Variants in USP49 observed in about 807,000 individuals in gnomAD.
The protein encoded by USP49 is ubiquitin carboxyl-terminal hydrolase 49.
In USP49, 24 loss-of-function variants were observed where a neutral mutation model predicts 58.6. That is an observed-to-expected ratio of 0.41 (90% CI 0.30 to 0.58). The LOEUF is 0.58. Ranked by LOEUF, USP49 falls within the 20% of genes least tolerant of loss-of-function variation. The pLI is 0.30. For synonymous variants in USP49, 408 were observed against 365.1 expected (o/e 1.12, Z -1.34); for missense variants, 703 against 866.1 (o/e 0.81, Z 2.36).
intron 3 of USP49, among the ~76,000 whole-genome samples, chr6:41,822,518 G>A (rs945127765): frequency 1.3e-5 from 2 of 152,122 alleles, no homozygotes; most frequent in Non-Finnish European, 2.9e-5. Context: ...AAGCATATCT[G>A]TCAGGAAGGA....
intron 3 of USP49, among the ~76,000 whole-genome samples, chr6:41,828,458 A>G (rs1279280983): frequency 6.6e-6 from 1 of 152,192 alleles, no homozygotes; most frequent in Non-Finnish European, 1.5e-5. Context: ...CAAAAAACTA[A>G]GCTGCTTTGA....
chr6:41,854,316 C>CA (rs565189473), intron 3 of USP49, among the ~76,000 whole-genome samples: 7,931 of 90,876 alleles, frequency 0.087, 383 homozygotes, highest in Non-Finnish European at 0.11. Context: ...GACTCTGTCT[C>CA]AAAAAAAAAA....
At chr6:41,802,455 TATTTATTTATTTA>T (rs1451496203) in intron 5 of USP49, among the ~76,000 whole-genome samples, 148 of 94,798 alleles carry the variant, frequency 1.6e-3, no homozygotes, top group South Asian at 2.0e-3. Flanking sequence ...TTTATTTATT[TATTTATTTATTTA>T]TTTTTTATTT....
Position 41,817,150 on chromosome 6 carries a change from C to CTTTTTTTTTTTTTTTTTTT in USP49, c.-28-10140_-28-10139insAAAAAAAAAAAAAAAAAAA, listed in dbSNP as rs34281670. Among the ~76,000 whole-genome samples the CTTTTTTTTTTTTTTTTTTT allele has an allele frequency of 2.8e-3, 290 of 104,302 alleles. 22 individuals are homozygous for CTTTTTTTTTTTTTTTTTTT. Among genetic ancestry groups the CTTTTTTTTTTTTTTTTTTT allele is most frequent in the African/African-American group, 8.2e-3 (185 of 22,528 alleles). The allele number at this position is 104,302 out of a possible 152,430, so 68.4% of individuals were successfully genotyped here. ...CCACCACGCCTGGCTCCCACGCATG[C>CTTTTTTTTTTTTTTTTTTT]TTTTTTTTTTTTTTTTTGAGACAGA... On this transcript the variant is annotated intron_variant, in intron 3 of 7. Transcript: ENST00000682992.
chr6:41,849,197 A>C (rs1773976661), intron 3 of USP49, among the ~76,000 whole-genome samples: 1 of 152,192 alleles, frequency 6.6e-6, no homozygotes, highest in Non-Finnish European at 1.5e-5. Context: ...TTTTAAATAA[A>C]AAACTCTCAT....
chr6:41,868,597 G>C (rs1032350790), intron 3 of USP49: 1 of 152,246 alleles, frequency 6.6e-6, no homozygotes, highest in Non-Finnish European at 1.5e-5. Flanking sequence ...AAAGTGCTGG[G>C]AGTACAGGCG....
intron 7 of USP49, among the ~76,000 whole-genome samples, chr6:41,796,945 A>ATTTTTTTT (rs5875772): frequency 1.9e-5 from 2 of 107,752 alleles, no homozygotes. Context: ...ACTGACTGCA[A>ATTTTTTTT]TTTTTTTTTT....
chr6:41,893,697 G>C (rs1333674810), intron 1 of USP49, among the ~76,000 whole-genome samples: 1 of 152,140 alleles, frequency 6.6e-6, no homozygotes, highest in Non-Finnish European at 1.5e-5. Flanking sequence ...AAATCAAAAT[G>C]AGTCTCATTT....
rs1050414159 is a variant in USP49 at position 41,850,466 on chromosome 6, T to A, written c.-29+21098A>T. ...TCTAAGGAAAGAAAAAAAAAAAAAA[T>A]AAATAAATAAATAATATAAAATAAA... is the stretch of plus-strand genomic sequence containing the variant. On this transcript the variant is annotated intron_variant, in intron 3 of 7. Transcript: ENST00000682992. Among the ~76,000 whole-genome samples, 334 of 147,670 alleles carry A rather than the reference T, an allele frequency of 2.3e-3. 3 individuals are homozygous for A. The highest frequency in any genetic ancestry group is 0.014 in the Middle Eastern group (4 of 284).
chr6:41,798,597 C>T (rs1298377467), intron 7 of USP49, 127 bp downstream of exon 7: 2 of 1,580,644 alleles, frequency 1.3e-6, no homozygotes, highest in African/African-American at 1.4e-5. Context: ...ATTCTTTCCA[C>T]TGGATTTTTG....
rs1437436125 is a variant in USP49, at chr6:41,792,667, CAT to C, written c.*3864_*3865del. 6.6e-6 allele frequency: 1 copy of C among 152,322 alleles called. No homozygotes were observed. Among genetic ancestry groups the C allele is most frequent in the African/African-American group, 2.4e-5 (1 of 41,554 alleles). The allele number at this position is 152,322 out of a possible 1,614,324, so 9.4% of individuals were successfully genotyped here. A position where few individuals can be genotyped will look rare whatever the true frequency, so the allele number is the denominator to read the frequency against. On this transcript the variant is annotated 3_prime_UTR_variant, in exon 8 of 8. Transcript: ENST00000682992. ...AATACAAAGAATTTGGACATTGTAACATAATTTCAGAACTTGCTGGTAAGAAT... is the reference window on the plus strand; with the variant it reads ...AATACAAAGAATTTGGACATTGTAACAATTTCAGAACTTGCTGGTAAGAAT...
intron 2 of USP49, among the ~76,000 whole-genome samples, chr6:41,888,532 C>A (rs148750106): frequency 2.0e-5 from 3 of 152,344 alleles, no homozygotes; most frequent in African/African-American, 7.2e-5. Context: ...CAGCTCACTG[C>A]AACCTCTGCC....
At chr6:41,830,989 A>G (rs1445816277) in intron 3 of USP49, among the ~76,000 whole-genome samples, 1 of 151,404 alleles carries the variant, frequency 6.6e-6, no homozygotes, top group Non-Finnish European at 1.5e-5. Flanking sequence ...GGGATTGGTG[A>G]CTCATGCCTG....
chr6:41,861,656 TTTAAC>T (rs1038240410), intron 3 of USP49, among the ~76,000 whole-genome samples: 10 of 152,220 alleles, frequency 6.6e-5, no homozygotes, highest in African/African-American at 2.2e-4. Flanking sequence ...TTTTTCCTCT[TTTAAC>T]TTAATATATC....
intron 2 of USP49, among the ~76,000 whole-genome samples, chr6:41,881,288 CAAAAAAAAAAAA>C (rs57022965): frequency 0.016 from 329 of 20,396 alleles, 3 homozygotes; most frequent in African/African-American, 0.075. Context: ...CATTAAATAC[CAAAAAAAAAAAA>C]AAAAAAAAAA....
At chr6:41,879,106 A>G (rs1774557830) in intron 2 of USP49, among the ~76,000 whole-genome samples, 1 of 152,248 alleles carries the variant, frequency 6.6e-6, no homozygotes, top group African/African-American at 2.4e-5. Flanking sequence ...AACTTTAAAC[A>G]TAGGTCAGAG....
At chr6:41,845,690 C>A (rs1291750580) in intron 3 of USP49, among the ~76,000 whole-genome samples, 1 of 151,778 alleles carries the variant, frequency 6.6e-6, no homozygotes, top group South Asian at 2.1e-4. Flanking sequence ...ACAGTGAGAC[C>A]CTGTCTCTAA....
chr6:41,825,458 T>A (rs115436538), intron 3 of USP49, among the ~76,000 whole-genome samples: 4 of 150,838 alleles, frequency 2.7e-5, no homozygotes, highest in Non-Finnish European at 4.4e-5. Flanking sequence ...AAAAAAGATA[T>A]GAGAACACGA....
At chr6:41,844,698 C>A (rs1197351830) in intron 3 of USP49, among the ~76,000 whole-genome samples, 1 of 152,188 alleles carries the variant, frequency 6.6e-6, no homozygotes, top group Non-Finnish European at 1.5e-5. Flanking sequence ...GCTGGGTACA[C>A]ACAATTACCA....
Sources: allele counts gnomAD v4.1 joint callset (sites outside exome capture counted in the v4.1 genomes callset), GRCh38; gene constraint gnomAD v4.1.1; transcripts MANE v1.5; gene names NCBI Gene and HGNC (gene_info 2026-07-23, HGNC 2026-07-21).